Variants in PCDHGA10 observed in about 807,000 individuals in gnomAD.
PCDHGA10 encodes protocadherin gamma-A10.
PCDHGA10 carries 42 observed loss-of-function variants against 59.5 expected under a neutral mutation model. The ratio of observed to expected loss-of-function variants is 0.71; its 90% CI spans 0.55 to 0.91. PCDHGA10 has a LOEUF of 0.91. Ranked by LOEUF, PCDHGA10 falls within the 40% of genes least tolerant of loss-of-function variation. The pLI, the probability that PCDHGA10 is intolerant of heterozygous loss-of-function variation, is 0.00. For synonymous variants in PCDHGA10, 511 were observed against 517.2 expected (o/e 0.99, Z 0.16); for missense variants, 1,111 against 1,198.2 (o/e 0.93, Z 1.07).
intron 1 of PCDHGA10, chr5:141,478,619 A>G: frequency 6.4e-7 from 1 of 1,555,598 alleles, no homozygotes; most frequent in Non-Finnish European, 8.7e-7. Context: ...GAAGGAATGG[A>G]GCTGTTTTTT....
At chr5:141,433,285 C>G in intron 1 of PCDHGA10, 1 of 1,169,826 alleles carries the variant, frequency 8.5e-7, no homozygotes, top group Non-Finnish European at 1.2e-6. Flanking sequence ...CCTCAAACTC[C>G]TAGGCTCAAG....
In PCDHGA10 at chr5:141,413,450, G is replaced by T. The variant is rs2095642221; in HGVS notation, c.275G>T (p.Gly92Val). ...NPRSGSLITA[G>V]RIDREELCAQ... Reference sequence around the variant, plus strand: ...CGCAGCGGCAGCTTGATCACCGCGGGCAGGATAGACCGGGAGGAGCTCTGC... The same window carrying T: ...CGCAGCGGCAGCTTGATCACCGCGGTCAGGATAGACCGGGAGGAGCTCTGC... Residue 92 changes from glycine to valine, a missense_variant, in exon 1 of 4, where the codon GGC becomes GTC. Gly to Val is a moderately radical substitution (Grantham distance 109). Coordinates refer to ENST00000398610, the MANE Select transcript of PCDHGA10 (RefSeq NM_018913.3). The T allele has an allele frequency of 6.2e-7, 1 of 1,614,148 alleles. No individual in the cohort carries two copies. Among genetic ancestry groups the T allele is most frequent in the Non-Finnish European group, 8.5e-7 (1 of 1,179,978 alleles).
intron 1 of PCDHGA10, among the ~76,000 whole-genome samples, chr5:141,438,636 ACACACAC>A: frequency 3.9e-5 from 1 of 25,700 alleles, no homozygotes; most frequent in African/African-American, 1.5e-4. Flanking sequence ...ATATATATAT[ACACACAC>A]ACACACACAT....
intron 1 of PCDHGA10, among the ~76,000 whole-genome samples, chr5:141,445,711 G>A (rs978623618): frequency 1.3e-5 from 2 of 152,202 alleles, no homozygotes; most frequent in African/African-American, 4.8e-5. Context: ...TTGTCAGGCA[G>A]AGGAAATAGC....
intron 2 of PCDHGA10, among the ~76,000 whole-genome samples, chr5:141,505,069 G>A (rs2099843308): frequency 2.0e-5 from 3 of 152,340 alleles, no homozygotes; most frequent in East Asian, 1.9e-4. Flanking sequence ...GACTGAGGCA[G>A]GAGAATCGCT....
intron 1 of PCDHGA10, among the ~76,000 whole-genome samples, chr5:141,435,308 A>G (rs2097757210): frequency 6.6e-6 from 1 of 152,186 alleles, no homozygotes; most frequent in African/African-American, 2.4e-5. Flanking sequence ...GTTTTAAATC[A>G]TTCATGAACT....
chr5:141,478,246 C>T (rs1305046488), intron 1 of PCDHGA10: 1 of 1,614,100 alleles, frequency 6.2e-7, no homozygotes, highest in Admixed American at 1.7e-5. Context: ...TCACAGTGTT[C>T]GGAGTAATCA....
chr5:141,419,148 C>G, intron 1 of PCDHGA10: 1 of 1,613,940 alleles, frequency 6.2e-7, no homozygotes. Flanking sequence ...AGGGGCAAGC[C>G]TCCGTTATCC....
At chr5:141,492,068 G>A in intron 1 of PCDHGA10, 1 of 479,628 alleles carries the variant, frequency 2.1e-6, no homozygotes, top group Non-Finnish European at 3.7e-6. Flanking sequence ...AGCCTCCTAG[G>A]CGCCGGCTCC....
Position 141,432,911 on chromosome 5 carries a change from C to G in PCDHGA10, c.2436+17300C>G. 5 of 1,614,176 alleles carry G rather than the reference C, an allele frequency of 3.1e-6. No homozygotes were observed. Among genetic ancestry groups the G allele is most frequent in the Non-Finnish European group, 4.2e-6 (5 of 1,180,014 alleles). Reference sequence around the variant, plus strand: ...CTTGCTGCTGGCGCTCAGGCTGCGGCGCTGGCACAAGTCACGCCTGCTGCA... The same window carrying G: ...CTTGCTGCTGGCGCTCAGGCTGCGGGGCTGGCACAAGTCACGCCTGCTGCA... On this transcript the variant is annotated intron_variant, in intron 1 of 3. Transcript: ENST00000398610. This position sits in a 1 kb window ranked among gnomAD's most constrained non-coding sequence, Gnocchi z 6.0.
chr5:141,491,602 A>T lies in PCDHGA10; in HGVS notation c.2437-3205A>T. On this transcript the variant is annotated intron_variant, in intron 1 of 3. Transcript: ENST00000398610. The surrounding 1 kb of genome is among the most constrained non-coding windows in gnomAD (Gnocchi z 6.9). ...ACCGGCCTCGGACGGCAGTGACTTC[A>T]CTTTTCTAAGACCCCTCAGCGTTCA... is the stretch of plus-strand genomic sequence containing the variant. The T allele has an allele frequency of 6.2e-7, 1 of 1,613,838 alleles. No individual in the cohort carries two copies. Among genetic ancestry groups the T allele is most frequent in the Non-Finnish European group, 8.5e-7 (1 of 1,180,016 alleles).
intron 1 of PCDHGA10, chr5:141,417,615 A>G (rs908930043): frequency 3.2e-6 from 2 of 629,140 alleles, no homozygotes; most frequent in Non-Finnish European, 5.1e-6. Flanking sequence ...CGGCCAGTGC[A>G]GAGCAAGCGC....
chr5:141,480,599 C>A (rs1202373543), intron 1 of PCDHGA10, among the ~76,000 whole-genome samples: 1 of 141,438 alleles, frequency 7.1e-6, no homozygotes, highest in East Asian at 1.9e-4. Flanking sequence ...TCTGGTCAGC[C>A]TGGAAAGCAA....
chr5:141,441,627 G>C (rs1239011684), intron 1 of PCDHGA10: 1 of 223,512 alleles, frequency 4.5e-6, no homozygotes, highest in Non-Finnish European at 9.0e-6. Context: ...CAGTGACCTG[G>C]AGCCACAGGC....
In PCDHGA10 at chr5:141,418,344, T is replaced by C. The variant is rs746519142; in HGVS notation, c.2436+2733T>C. On this transcript the variant is annotated intron_variant, in intron 1 of 3. Transcript: ENST00000398610. ...CTTGAGTCTGCAGAAGATCCTGATA[T>C]TAGTATGAATTCGCTGAGCAAATAC... 4.3e-6 allele frequency: 7 copies of C among 1,613,890 alleles called. No individual in the cohort carries two copies. The highest frequency in any genetic ancestry group is 2.2e-5 in the South Asian group (2 of 91,086).
rs781026604 is a variant in PCDHGA10, at chr5:141,490,471, C to A, written c.2437-4336C>A. The A allele has an allele frequency of 6.2e-7, 1 of 1,614,214 alleles. No individual in the cohort carries two copies. The highest frequency in any genetic ancestry group is 1.1e-5 in the South Asian group (1 of 91,088). On this transcript the variant is annotated intron_variant, in intron 1 of 3. Transcript: ENST00000398610. This position sits in a 1 kb window ranked among gnomAD's most constrained non-coding sequence, Gnocchi z 5.4. ...CCACTACTCGCTGCTAACCAGCCAGCCTTTGGACCGGGAGGCCACATCCCA... is the reference window on the plus strand; with the variant it reads ...CCACTACTCGCTGCTAACCAGCCAGACTTTGGACCGGGAGGCCACATCCCA...
chr5:141,459,993 G>T (rs1320315247), intron 1 of PCDHGA10, among the ~76,000 whole-genome samples: 1 of 152,164 alleles, frequency 6.6e-6, no homozygotes, highest in African/African-American at 2.4e-5. Context: ...CAGGAGAATC[G>T]CTTGAACCCA....
Position 141,474,403 on chromosome 5 carries a change from C to T in PCDHGA10, c.2437-20404C>T, listed in dbSNP as rs553745731. ...ATTTCTGCATTTCTAACAAGCTCCC[C>T]GGTGATGCCTAGACCATTGGTCCTC... is the stretch of plus-strand genomic sequence containing the variant. On this transcript the variant is annotated intron_variant, in intron 1 of 3. Coordinates refer to ENST00000398610, the MANE Select transcript of PCDHGA10 (RefSeq NM_018913.3). Among the ~76,000 whole-genome samples, 121 of 152,282 alleles carry T rather than the reference C, an allele frequency of 7.9e-4. 1 individual carries two copies. Among genetic ancestry groups the T allele is most frequent in the Admixed American group, 3.9e-3 (59 of 15,292 alleles).
In PCDHGA10 at chr5:141,490,751, C is replaced by T. The variant is rs2099703884; in HGVS notation, c.2437-4056C>T. 6.2e-6 allele frequency: 10 copies of T among 1,614,092 alleles called. No individual in the cohort carries two copies. The highest frequency in any genetic ancestry group is 1.7e-5 in the Admixed American group (1 of 60,012). ...AATCAGGTTCAGGGAGCCCCAGCCT[C>T]CTCCTTTGTGTATGTCAACCCAGAG... On this transcript the variant is annotated intron_variant, in intron 1 of 3. Coordinates refer to ENST00000398610, the MANE Select transcript of PCDHGA10 (RefSeq NM_018913.3). This position sits in a 1 kb window ranked among gnomAD's most constrained non-coding sequence, Gnocchi z 5.4.
Sources: allele counts gnomAD v4.1 joint callset (sites outside exome capture counted in the v4.1 genomes callset), GRCh38; gene constraint gnomAD v4.1.1; non-coding constraint Gnocchi (gnomAD v3.1); transcripts MANE v1.5; gene names NCBI Gene and HGNC (gene_info 2026-07-23, HGNC 2026-07-21).